Variants in RUNDC3B observed in about 807,000 individuals in gnomAD.
RUNDC3B encodes RUN domain containing 3B, also known as RUN domain-containing protein 3B.
RUNDC3B carries 33 observed loss-of-function variants against 58.4 expected under a neutral mutation model. The observed-to-expected ratio is 0.56, with a 90% CI of 0.43 to 0.75. The LOEUF is 0.75. Ranked by LOEUF, RUNDC3B falls within the 30% of genes least tolerant of loss-of-function variation. The pLI, the probability that RUNDC3B is intolerant of heterozygous loss-of-function variation, is 0.00. For synonymous variants in RUNDC3B, 193 were observed against 195.2 expected (o/e 0.99, Z 0.10); for missense variants, 501 against 535.7 (o/e 0.94, Z 0.64).
intron 2 of RUNDC3B, among the ~76,000 whole-genome samples, chr7:87,674,960 A>G (rs1434106871): frequency 6.6e-6 from 1 of 152,162 alleles, no homozygotes; most frequent in Non-Finnish European, 1.5e-5. Flanking sequence ...TCCTGTGCCA[A>G]GCCCTCTTGG....
intron 8 of RUNDC3B, among the ~76,000 whole-genome samples, chr7:87,806,673 C>G (rs1836451451): frequency 6.6e-6 from 1 of 152,066 alleles, no homozygotes; most frequent in Non-Finnish European, 1.5e-5. Context: ...AGTAACAGTT[C>G]TATAAAAATT....
At chr7:87,677,846 A>G (rs1826535612) in intron 2 of RUNDC3B, among the ~76,000 whole-genome samples, 1 of 152,232 alleles carries the variant, frequency 6.6e-6, no homozygotes, top group East Asian at 1.9e-4. Flanking sequence ...AAGTGAATGC[A>G]GGGTTTTCAA....
intron 6 of RUNDC3B, among the ~76,000 whole-genome samples, chr7:87,742,575 AATAGATAGATAGATAG>A (rs3028187): frequency 6.6e-4 from 97 of 147,854 alleles, no homozygotes; most frequent in East Asian, 6.0e-3. Context: ...ATCATAGATA[AATAGATAGATAGATAG>A]ATAGATAGAT....
intron 6 of RUNDC3B, among the ~76,000 whole-genome samples, chr7:87,769,783 C>T (rs1834172193): frequency 6.6e-6 from 1 of 152,052 alleles, no homozygotes; most frequent in African/African-American, 2.4e-5. Context: ...AGGTATTTGT[C>T]CTAATGCTCT....
At chr7:87,763,489 T>C (rs550120656) in intron 6 of RUNDC3B, among the ~76,000 whole-genome samples, 1 of 151,832 alleles carries the variant, frequency 6.6e-6, no homozygotes, top group East Asian at 1.9e-4. Flanking sequence ...GAAAATATGC[T>C]TATCTCATCC....
At chr7:87,809,980 T>TTA (rs1277234948) in intron 9 of RUNDC3B, among the ~76,000 whole-genome samples, 1 of 152,136 alleles carries the variant, frequency 6.6e-6, no homozygotes, top group South Asian at 2.1e-4. Context: ...GCTAAAACCT[T>TTA]TTTAATAAGG....
At chr7:87,794,351 C>T (rs1835693510) in intron 8 of RUNDC3B, among the ~76,000 whole-genome samples, 1 of 152,094 alleles carries the variant, frequency 6.6e-6, no homozygotes, top group South Asian at 2.1e-4. Context: ...AGGAGAATTG[C>T]TTGAACCCAG....
chr7:87,759,895 A>G (rs1274863529), intron 6 of RUNDC3B, among the ~76,000 whole-genome samples: 1 of 152,036 alleles, frequency 6.6e-6, no homozygotes, highest in Non-Finnish European at 1.5e-5. Flanking sequence ...TACCCCATAA[A>G]TATATACCCC....
chr7:87,642,239 G>A (rs1356153281), intron 1 of RUNDC3B, among the ~76,000 whole-genome samples: 3 of 152,052 alleles, frequency 2.0e-5, no homozygotes, highest in African/African-American at 7.2e-5. Context: ...CAAGTCAGCT[G>A]ATGTGTGTGT....
Position 87,815,090 on chromosome 7 carries a change from C to A in RUNDC3B, c.1104-1051C>A, listed in dbSNP as rs10231094. Among the ~76,000 whole-genome samples, 16 of 151,918 alleles carry A rather than the reference C, an allele frequency of 1.1e-4. No individual in the cohort carries two copies. In the East Asian group the frequency reaches 1.5e-3, roughly 15 times the overall value. On this transcript the variant is annotated intron_variant, in intron 9 of 10. Coordinates refer to ENST00000394654, the MANE Select transcript of RUNDC3B (RefSeq NM_001134405.2). ...GTTACTAAAGTAAATTCTTTCCCCC[C>A]CTTCCTCCCCATTTTGAATGGAGTC...
chr7:87,681,194 A>C (rs886199826), intron 2 of RUNDC3B, among the ~76,000 whole-genome samples: 4 of 150,666 alleles, frequency 2.7e-5, no homozygotes, highest in Non-Finnish European at 5.9e-5. Context: ...CAGTATTTAA[A>C]ACCTTCCAAC....
At chr7:87,725,156 A>G (rs1831142754) in intron 4 of RUNDC3B, among the ~76,000 whole-genome samples, 1 of 152,140 alleles carries the variant, frequency 6.6e-6, no homozygotes, top group South Asian at 2.1e-4. Flanking sequence ...TTTGTTACAT[A>G]TGTATACATG....
chr7:87,693,849 A>C, intron 2 of RUNDC3B: 1 of 1,563,090 alleles, frequency 6.4e-7, no homozygotes, highest in Admixed American at 1.7e-5. Context: ...TGGAACTGTA[A>C]ACATGATGGC....
At chr7:87,632,430 A>ATT (rs1283089892) in intron 1 of RUNDC3B, among the ~76,000 whole-genome samples, 1 of 152,202 alleles carries the variant, frequency 6.6e-6, no homozygotes, top group Non-Finnish European at 1.5e-5. Context: ...TGTAGACTAA[A>ATT]AACATTTGCA....
At chr7:87,815,940 A>T (rs558568918) in intron 9 of RUNDC3B, among the ~76,000 whole-genome samples, 28 of 152,156 alleles carry the variant, frequency 1.8e-4, no homozygotes, top group African/African-American at 6.7e-4. Flanking sequence ...TTTCCAATGG[A>T]TTAAACAGAT....
At chr7:87,820,536 T>C (rs144353987) in intron 10 of RUNDC3B, among the ~76,000 whole-genome samples, 21,065 of 152,104 alleles carry the variant, frequency 0.14, 1,591 homozygotes, top group Admixed American at 0.23. Context: ...TAACTCATTT[T>C]ATGAGGCCAG....
chr7:87,823,821 C>T (rs1281049027), intron 10 of RUNDC3B, among the ~76,000 whole-genome samples: 2 of 150,910 alleles, frequency 1.3e-5, no homozygotes, highest in East Asian at 2.1e-4. Context: ...CACACACACA[C>T]ACATATATAT....
chr7:87,723,527 C>T (rs112699623), intron 4 of RUNDC3B, among the ~76,000 whole-genome samples: 4,204 of 152,078 alleles, frequency 0.028, 185 homozygotes, highest in African/African-American at 0.095. Context: ...AGAAAAATAC[C>T]AATCCATCAT....
intron 10 of RUNDC3B, among the ~76,000 whole-genome samples, chr7:87,826,235 T>C (rs1297285401): frequency 1.3e-5 from 2 of 152,122 alleles, no homozygotes; most frequent in Non-Finnish European, 2.9e-5. Flanking sequence ...GGGGCAGATC[T>C]TTAGTGTGCT....
Sources: gnomAD v4.1 joint callset for allele counts (sites outside exome capture counted in the v4.1 genomes callset) on GRCh38, gnomAD v4.1.1 for gene constraint, MANE v1.5 for transcripts, NCBI Gene and HGNC (gene_info 2026-07-23, HGNC 2026-07-21) for gene names.